The following COLEC12 variants were observed in gnomAD, a reference collection of about 807,000 sequenced individuals.
COLEC12 encodes the protein collectin-12.
In COLEC12, 33 loss-of-function variants were observed where a neutral mutation model predicts 71.1. The ratio of observed to expected loss-of-function variants is 0.46; its 90% CI spans 0.35 to 0.62. The LOEUF (loss-of-function observed/expected upper bound fraction) is 0.62, where lower values mean the gene tolerates loss of function less well. Among genes scored for constraint, COLEC12 ranks in the 20% least tolerant of loss-of-function variants. COLEC12 has a pLI of 0.00. For synonymous variants in COLEC12, 350 were observed against 353.0 expected (o/e 0.99, Z 0.10); for missense variants, 765 against 916.1 (o/e 0.84, Z 2.13).
At chr18:432,595 G>A (rs1434132447) in intron 2 of COLEC12, among the ~76,000 whole-genome samples, 1 of 152,098 alleles carries the variant, frequency 6.6e-6, no homozygotes, top group Non-Finnish European at 1.5e-5. Context: ...GATTTCTTTT[G>A]TGAAAAACAC....
In COLEC12 at chr18:362,148, G is replaced by A. The variant is rs1450465301; in HGVS notation, c.59-4626C>T. ...TGTGGCCGCCAGGCATCTGGTGCATGTGGTATTCGTGCAGATCCAAGCCCG... is the reference window on the plus strand; with the variant it reads ...TGTGGCCGCCAGGCATCTGGTGCATATGGTATTCGTGCAGATCCAAGCCCG... On this transcript the variant is annotated intron_variant, in intron 2 of 9. Coordinates refer to ENST00000400256, the MANE Select transcript of COLEC12 (RefSeq NM_130386.3). The surrounding 1 kb of genome is among the most constrained non-coding windows in gnomAD (Gnocchi z 4.6). 6.6e-6 allele frequency among the ~76,000 whole-genome samples: 1 copy of A among 152,190 alleles called. No homozygotes were observed. The highest frequency in any genetic ancestry group is 1.5e-5 in the Non-Finnish European group (1 of 68,034).
chr18:493,925 T>C (rs1350788576), intron 1 of COLEC12, among the ~76,000 whole-genome samples: 1 of 152,170 alleles, frequency 6.6e-6, no homozygotes. Flanking sequence ...AACCGGACAC[T>C]GGATTTGAAA....
chr18:381,423 A>G (rs1224989882), intron 2 of COLEC12, among the ~76,000 whole-genome samples: 1 of 152,214 alleles, frequency 6.6e-6, no homozygotes, highest in Non-Finnish European at 1.5e-5. Flanking sequence ...GCATACATGT[A>G]TCAAAATATC....
chr18:418,918 G>A (rs1201581658), intron 2 of COLEC12, among the ~76,000 whole-genome samples: 3 of 152,150 alleles, frequency 2.0e-5, no homozygotes, highest in African/African-American at 7.2e-5. Context: ...GACTCGCCCT[G>A]ATTTCTTTCT....
intron 2 of COLEC12, among the ~76,000 whole-genome samples, chr18:364,326 G>T (rs672854): frequency 6.6e-6 from 1 of 151,704 alleles, no homozygotes; most frequent in Non-Finnish European, 1.5e-5. Context: ...TCAAAAGAAC[G>T]CCATTATTTT....
chr18:365,349 C>T (rs1598339866), intron 2 of COLEC12, among the ~76,000 whole-genome samples: 1 of 152,308 alleles, frequency 6.6e-6, no homozygotes, highest in Admixed American at 6.5e-5. Context: ...AGGGGAATAT[C>T]TCCCAATGCT....
At chr18:368,030 GA>G (rs201842899) in intron 2 of COLEC12, among the ~76,000 whole-genome samples, 3,305 of 152,240 alleles carry the variant, frequency 0.022, 114 homozygotes, top group African/African-American at 0.075. Context: ...AATGAAACTG[GA>G]AATAAAAATG....
At position 385,087 on chromosome 18, in the gene COLEC12, TC is replaced by T. The variant is rs570011735; in HGVS notation, c.59-27566del. Among the ~76,000 whole-genome samples the T allele has an allele frequency of 1.0e-3, 155 of 152,326 alleles. 1 individual carries two copies. Among genetic ancestry groups the T allele is most frequent in the African/African-American group, 3.6e-3 (149 of 41,568 alleles). On this transcript the variant is annotated intron_variant, in intron 2 of 9. Coordinates refer to ENST00000400256, the MANE Select transcript of COLEC12 (RefSeq NM_130386.3). Reference sequence around the variant, plus strand: ...TTTACATGGTTGTCCAAGTTAATTATCCCTGTACTTTCAGATGAAGTGAATG... The same window carrying T: ...TTTACATGGTTGTCCAAGTTAATTATCCTGTACTTTCAGATGAAGTGAATG...
At position 339,438 on chromosome 18, in the gene COLEC12, C is replaced by A. The variant is rs201759632; in HGVS notation, c.1328-4208G>T. 2.0e-5 allele frequency among the ~76,000 whole-genome samples: 3 copies of A among 152,202 alleles called. No individual in the cohort carries two copies. The East Asian group carries it at 5.8e-4, about 29-fold the overall frequency. ...GCACAAGATTTCAGCAGGTGCTAAT[C>A]TCCAGATCTTGTGAAGGAAGGGAGT... On this transcript the variant is annotated intron_variant, in intron 5 of 9. Coordinates refer to ENST00000400256, the MANE Select transcript of COLEC12 (RefSeq NM_130386.3).
At chr18:339,436 A>C (rs1914194676) in intron 5 of COLEC12, among the ~76,000 whole-genome samples, 1 of 152,212 alleles carries the variant, frequency 6.6e-6, no homozygotes, top group Admixed American at 6.5e-5. Context: ...GCAGGTGCTA[A>C]TCTCCAGATC....
chr18:358,077 G>A (rs1399725759), intron 2 of COLEC12, among the ~76,000 whole-genome samples: 1 of 152,222 alleles, frequency 6.6e-6, no homozygotes, highest in Non-Finnish European at 1.5e-5. Flanking sequence ...ACTAATGCCT[G>A]ATGATCTCAG....
At chr18:332,656 C>T (rs1264258612) in intron 7 of COLEC12, among the ~76,000 whole-genome samples, 1 of 152,182 alleles carries the variant, frequency 6.6e-6, no homozygotes, top group Non-Finnish European at 1.5e-5. Context: ...TGCGTGGTCC[C>T]TTGCACCCCA....
At chr18:449,873 T>C (rs1452485157) in intron 2 of COLEC12, among the ~76,000 whole-genome samples, 1 of 152,220 alleles carries the variant, frequency 6.6e-6, no homozygotes, top group Non-Finnish European at 1.5e-5. Flanking sequence ...AACTCTCCTT[T>C]TTACCTCCTC....
At chr18:404,992 G>C (rs1010950312) in intron 2 of COLEC12, among the ~76,000 whole-genome samples, 3 of 152,080 alleles carry the variant, frequency 2.0e-5, no homozygotes, top group African/African-American at 7.2e-5. Flanking sequence ...ATGCATTCCT[G>C]GGGGGAGGTC....
rs1244884511 is a variant in COLEC12 at position 500,071 on chromosome 18, G to C, written c.7+437C>G. 6.6e-6 allele frequency among the ~76,000 whole-genome samples: 1 copy of C among 152,216 alleles called. No individual in the cohort carries two copies. The highest frequency in any genetic ancestry group is 1.9e-4 in the East Asian group (1 of 5,184). On this transcript the variant is annotated intron_variant, in intron 1 of 9. Coordinates refer to ENST00000400256, the MANE Select transcript of COLEC12 (RefSeq NM_130386.3). The surrounding 1 kb of genome is among the most constrained non-coding windows in gnomAD (Gnocchi z 5.3). ...GGAGAAAACACCCGGCCGCCAGCGCGGGGACCGCTCGGGCCGGGAAACGGC... is the reference window on the plus strand; with the variant it reads ...GGAGAAAACACCCGGCCGCCAGCGCCGGGACCGCTCGGGCCGGGAAACGGC...
intron 2 of COLEC12, among the ~76,000 whole-genome samples, chr18:372,993 G>A (rs1016969735): frequency 2.6e-5 from 4 of 152,112 alleles, no homozygotes; most frequent in Non-Finnish European, 5.9e-5. Context: ...TGAGGGATGT[G>A]TGTATTCTAG....
chr18:495,720 C>G (rs1917699565), intron 1 of COLEC12, among the ~76,000 whole-genome samples: 2 of 152,222 alleles, frequency 1.3e-5, no homozygotes, highest in Non-Finnish European at 2.9e-5. Flanking sequence ...CGTGACAGCA[C>G]ACAGTAGGAC....
chr18:351,492 A>G (rs907922317), intron 3 of COLEC12, among the ~76,000 whole-genome samples: 1 of 152,184 alleles, frequency 6.6e-6, no homozygotes, highest in Admixed American at 6.5e-5. Context: ...TTTACATTCA[A>G]TTCCATCTCT....
Position 327,923 on chromosome 18 carries a change from C to T in COLEC12, c.2063+3745G>A, listed in dbSNP as rs1338829542. ...GGCTGTGAAGCCATCTGGTCCTGGG[C>T]TTATCTTTCTGGGAGGTTTCTGATT... On this transcript the variant is annotated intron_variant, in intron 8 of 9. Transcript: ENST00000400256. The surrounding 1 kb of genome is among the most constrained non-coding windows in gnomAD (Gnocchi z 4.0). 6.6e-6 allele frequency among the ~76,000 whole-genome samples: 1 copy of T among 152,134 alleles called. No homozygotes were observed. The highest frequency in any genetic ancestry group is 1.5e-5 in the Non-Finnish European group (1 of 68,032).
Sources: gnomAD v4.1 joint callset for allele counts (sites outside exome capture counted in the v4.1 genomes callset) on GRCh38, gnomAD v4.1.1 for gene constraint, Gnocchi (gnomAD v3.1) non-coding constraint, MANE v1.5 for transcripts, NCBI Gene and HGNC (gene_info 2026-07-23, HGNC 2026-07-21) for gene names.